The following TGS1 variants were observed in gnomAD, a reference collection of about 807,000 sequenced individuals.
TGS1 encodes the protein trimethylguanosine synthase 1, also known as trimethylguanosine synthase.
In TGS1, 69 loss-of-function variants were observed where a neutral mutation model predicts 92.2. The ratio of observed to expected loss-of-function variants is 0.75; its 90% CI spans 0.62 to 0.91. The LOEUF (loss-of-function observed/expected upper bound fraction) is 0.91. Among genes scored for constraint, TGS1 ranks in the 40% least tolerant of loss-of-function variants. The probability of loss-of-function intolerance (pLI) is 0.00; values close to 1 mark genes in which losing one functional copy is unlikely to be tolerated. For missense variants in TGS1, 1,062 were observed against 1,001.2 expected (o/e 1.06, Z -0.82); for synonymous variants, 345 against 338.1 (o/e 1.02, Z -0.22).
intron 12 of TGS1, among the ~76,000 whole-genome samples, chr8:55,813,616 C>A (rs192683981): frequency 1.0e-3 from 158 of 152,152 alleles, no homozygotes; most frequent in African/African-American, 3.6e-3. Context: ...TTTTTCCTTT[C>A]TCTCTTATTT....
intron 4 of TGS1, 41 bp downstream of exon 4, chr8:55,787,101 C>T (rs767035448): frequency 7.0e-7 from 1 of 1,435,956 alleles, no homozygotes; most frequent in South Asian, 1.3e-5. Flanking sequence ...TAATGGTTAG[C>T]AAAATGAATT....
chr8:55,779,107 G>A (rs921281322), intron 1 of TGS1, among the ~76,000 whole-genome samples: 1 of 152,076 alleles, frequency 6.6e-6, no homozygotes, highest in South Asian at 2.1e-4. Context: ...TATTTTTGAG[G>A]CCATCAATTC....
At chr8:55,790,060 T>C (rs1327671839) in intron 4 of TGS1, 122 bp from the exon 5 acceptor site, 2 of 683,498 alleles carry the variant, frequency 2.9e-6, no homozygotes, top group African/African-American at 3.6e-5. Flanking sequence ...GAGCTGGCAC[T>C]TTGATGCACA....
intron 1 of TGS1, among the ~76,000 whole-genome samples, chr8:55,776,392 T>C (rs1811400663): frequency 2.0e-5 from 3 of 150,540 alleles, no homozygotes; most frequent in African/African-American, 7.3e-5. Context: ...GCCATTCTCC[T>C]GCCTCAGCCC....
intron 12 of TGS1, among the ~76,000 whole-genome samples, chr8:55,822,984 A>G (rs1349178613): frequency 6.6e-6 from 1 of 152,212 alleles, no homozygotes; most frequent in Non-Finnish European, 1.5e-5. Flanking sequence ...TTACAGTTAC[A>G]GAAAATGCTT....
At chr8:55,776,458 A>G (rs1179970620) in intron 1 of TGS1, among the ~76,000 whole-genome samples, 3 of 151,878 alleles carry the variant, frequency 2.0e-5, no homozygotes, top group East Asian at 3.9e-4. Flanking sequence ...TTTTTTGTGT[A>G]TTTAATAGAG....
At chr8:55,784,606 C>G (rs1327859063) in intron 2 of TGS1, among the ~76,000 whole-genome samples, 2 of 152,114 alleles carry the variant, frequency 1.3e-5, no homozygotes, top group Non-Finnish European at 2.9e-5. Context: ...GCCACTGTGC[C>G]CAACCCCAGG....
intron 12 of TGS1, among the ~76,000 whole-genome samples, chr8:55,815,943 TTTATTTTA>T (rs1034691029): frequency 6.8e-6 from 1 of 146,652 alleles, no homozygotes; most frequent in Non-Finnish European, 1.5e-5. Context: ...TATTTATTTA[TTTATTTTA>T]TTTATTTATT....
intron 4 of TGS1, among the ~76,000 whole-genome samples, chr8:55,787,688 G>C (rs1329833359): frequency 6.6e-6 from 1 of 152,164 alleles, no homozygotes; most frequent in Non-Finnish European, 1.5e-5. Flanking sequence ...AGTACGGTGC[G>C]ATGAGAATGT....
At chr8:55,824,509 A>G in intron 12 of TGS1, 72 bp from the exon 13 acceptor site, 1 of 1,580,112 alleles carries the variant, frequency 6.3e-7, no homozygotes, top group Non-Finnish European at 8.6e-7. Flanking sequence ...TATTTGATAA[A>G]GCAGTACAAG....
intron 12 of TGS1, among the ~76,000 whole-genome samples, chr8:55,823,356 G>A (rs180738552): frequency 2.0e-5 from 3 of 152,328 alleles, no homozygotes; most frequent in African/African-American, 7.2e-5. Flanking sequence ...CCTGTCAAAT[G>A]CTGGTCATTT....
intron 7 of TGS1, among the ~76,000 whole-genome samples, chr8:55,796,574 G>T (rs973936599): frequency 5.3e-5 from 8 of 152,140 alleles, no homozygotes; most frequent in African/African-American, 1.9e-4. Flanking sequence ...TGAAATCCCA[G>T]CTACTTGGGA....
chr8:55,807,506 G>GT (rs199884741), intron 10 of TGS1, among the ~76,000 whole-genome samples: 6,413 of 138,504 alleles, frequency 0.046, 359 homozygotes, highest in East Asian at 0.14. Flanking sequence ...TAAAGCAGGG[G>GT]TTTTTTTTTT....
At chr8:55,797,799 A>T (rs1485637069) in intron 7 of TGS1, among the ~76,000 whole-genome samples, 1 of 152,096 alleles carries the variant, frequency 6.6e-6, no homozygotes. Flanking sequence ...AGACTCCATG[A>T]TGTCTCTGTC....
chr8:55,820,921 T>C (rs2130258774), intron 12 of TGS1, among the ~76,000 whole-genome samples: 1 of 152,352 alleles, frequency 6.6e-6, no homozygotes, highest in Non-Finnish European at 1.5e-5. Context: ...TAATATTTTG[T>C]CAGCTAAACC....
chr8:55,818,490 T>G (rs991257879), intron 12 of TGS1, among the ~76,000 whole-genome samples: 2 of 152,222 alleles, frequency 1.3e-5, no homozygotes, highest in African/African-American at 4.8e-5. Flanking sequence ...GTGAAATCAG[T>G]GCTTAATCAT....
intron 12 of TGS1, among the ~76,000 whole-genome samples, chr8:55,819,389 C>T (rs1011152205): frequency 1.3e-5 from 2 of 148,458 alleles, no homozygotes; most frequent in African/African-American, 2.5e-5. Flanking sequence ...CTCCACTTCC[C>T]GGGTTCAAGC....
intron 8 of TGS1, among the ~76,000 whole-genome samples, chr8:55,799,696 G>A (rs1052509624): frequency 5.9e-5 from 9 of 152,096 alleles, no homozygotes; most frequent in African/African-American, 1.9e-4. Flanking sequence ...TCCCACCTCA[G>A]CTTGAGTAGC....
intron 1 of TGS1, among the ~76,000 whole-genome samples, chr8:55,778,545 G>A (rs1811466082): frequency 6.6e-6 from 1 of 152,214 alleles, no homozygotes; most frequent in Non-Finnish European, 1.5e-5. Flanking sequence ...GACAGTGTCT[G>A]ATGGTGATCT....
Sources: allele counts gnomAD v4.1 joint callset (sites outside exome capture counted in the v4.1 genomes callset), GRCh38; gene constraint gnomAD v4.1.1; transcripts MANE v1.5; gene names NCBI Gene and HGNC (gene_info 2026-07-23, HGNC 2026-07-21).